MARCHF8: variants seen among roughly 807,000 people sequenced by gnomAD.
MARCHF8 encodes E3 ubiquitin-protein ligase MARCHF8.
A neutral mutation model predicts 51.6 loss-of-function variants in MARCHF8; 40 were observed. The observed-to-expected ratio is 0.77, with a 90% confidence interval of 0.60 to 1.01. The LOEUF is 1.01. Among genes scored for constraint, MARCHF8 ranks in the 50% least tolerant of loss-of-function variants. MARCHF8 has a pLI of 0.00. For missense variants in MARCHF8, 685 were observed against 708.6 expected (o/e 0.97, Z 0.38); for synonymous variants, 263 against 280.3 (o/e 0.94, Z 0.62).
intron 1 of MARCHF8, among the ~76,000 whole-genome samples, chr10:45,569,027 T>C (rs564087919): frequency 4.6e-5 from 6 of 131,868 alleles, no homozygotes; most frequent in African/African-American, 1.8e-4. Context: ...ATGGCGCCAC[T>C]GCACTCCAGC....
chr10:45,544,894 A>G lies in MARCHF8; in HGVS notation c.-78-11605T>C, dbSNP rs542606229. Among the ~76,000 whole-genome samples the G allele has an allele frequency of 2.0e-5, 3 of 152,280 alleles. No individual in the cohort carries two copies. In the South Asian group the frequency reaches 6.2e-4, roughly 32 times the overall value. ...CAGCTTACAAGGCCCTATGTTATCT[A>G]TCCCACCTCATTTTGTACTACCCCT... On this transcript the variant is annotated intron_variant, in intron 1 of 6. Transcript: ENST00000319836.
upstream of MARCHF8, among the ~76,000 whole-genome samples, chr10:45,536,932 T>C (rs1375874008): frequency 2.0e-5 from 3 of 151,304 alleles, no homozygotes; most frequent in African/African-American, 4.8e-5. Context: ...TTAGCCATCA[T>C]GGAAATACAA....
rs1170638565 is a variant in MARCHF8, at chr10:45,463,396, C to A, written c.843G>T (p.Glu281Asp). Residue 281 changes from glutamate to aspartate, a missense_variant, in exon 5 of 8, where the codon GAG becomes GAT. Transcript: ENST00000453424. ...CAGTGTGCAGGCGAGCAGCGCAGCT[C>A]TCCAGCTCATGGAACCTGTGCAGGC... Reference protein sequence around the residue: ...ASSLHRFHELESCAARLHTAK... With the variant: ...ASSLHRFHELDSCAARLHTAK... 1 of 1,550,698 alleles carries A rather than the reference C, an allele frequency of 6.4e-7. No homozygotes were observed. Among genetic ancestry groups the A allele is most frequent in the Non-Finnish European group, 8.7e-7 (1 of 1,147,010 alleles).
At chr10:45,501,494 TAACTC>T (rs2043279039) in intron 2 of MARCHF8, among the ~76,000 whole-genome samples, 1 of 152,118 alleles carries the variant, frequency 6.6e-6, no homozygotes, top group African/African-American at 2.4e-5. Flanking sequence ...ATACAAAAAT[TAACTC>T]AAAATAGTTC....
At chr10:45,570,342 A>G (rs2044415345) in intron 1 of MARCHF8, among the ~76,000 whole-genome samples, 1 of 152,216 alleles carries the variant, frequency 6.6e-6, no homozygotes, top group African/African-American at 2.4e-5. Context: ...TCCCAGGAAT[A>G]TAAAATTTGG....
intron 1 of MARCHF8, among the ~76,000 whole-genome samples, chr10:45,591,560 CAGG>C (rs1292107782): frequency 6.6e-6 from 1 of 152,002 alleles, no homozygotes; most frequent in Admixed American, 6.5e-5. Flanking sequence ...AAGAAGTACA[CAGG>C]AGGTCTCAAT....
chr10:45,480,997 A>G (rs2042875267), intron 3 of MARCHF8, among the ~76,000 whole-genome samples: 1 of 152,262 alleles, frequency 6.6e-6, no homozygotes, highest in Non-Finnish European at 1.5e-5. Context: ...TATACCCTGC[A>G]AAGCTACAGG....
At chr10:45,462,177 G>A (rs1842809416) in intron 5 of MARCHF8, 1 of 152,290 alleles carries the variant, frequency 6.6e-6, no homozygotes, top group Non-Finnish European at 1.5e-5. Context: ...GGCTGTTTTA[G>A]TGAGGGGATC....
intron 1 of MARCHF8, among the ~76,000 whole-genome samples, chr10:45,583,424 G>A (rs1302401019): frequency 2.0e-5 from 3 of 152,062 alleles, no homozygotes; most frequent in Non-Finnish European, 4.4e-5. Context: ...AATGATCACT[G>A]TGACACCATT....
rs571566279 is a variant in MARCHF8 at position 45,481,277 on chromosome 10, T to C, written c.153+8090A>G. Among the ~76,000 whole-genome samples the C allele has an allele frequency of 2.0e-5, 3 of 152,332 alleles. No homozygotes were observed. In the South Asian group the frequency reaches 6.2e-4, roughly 32 times the overall value. On this transcript the variant is annotated intron_variant, in intron 3 of 7. Transcript: ENST00000453424. ...GGCTCACAGGTGGAAGGGAGTTGCC[T>C]TGTCTGAGATGAGACTTTGGACTGT...
At chr10:45,526,389 G>A (rs575595371) in intron 2 of MARCHF8, among the ~76,000 whole-genome samples, 9 of 152,170 alleles carry the variant, frequency 5.9e-5, no homozygotes, top group African/African-American at 1.2e-4. Flanking sequence ...CTTTTGCAAC[G>A]CTAGCTGTGG....
At chr10:45,560,913 C>T (rs1589178400) in intron 1 of MARCHF8, among the ~76,000 whole-genome samples, 1 of 151,982 alleles carries the variant, frequency 6.6e-6, no homozygotes, top group Non-Finnish European at 1.5e-5. Context: ...AAAAAAGCCT[C>T]GTATAAGATA....
chr10:45,455,621 C>T lies in MARCHF8; in HGVS notation c.*2618G>A, dbSNP rs1423539728. On this transcript the variant is annotated 3_prime_UTR_variant, in exon 8 of 8. Transcript: ENST00000453424. ...AGCAAGTTTTCCAAGGCTACAGGAACATTGGCAGAGCTGGTGGCCACACCA... is the reference window on the plus strand; with the variant it reads ...AGCAAGTTTTCCAAGGCTACAGGAATATTGGCAGAGCTGGTGGCCACACCA... The T allele has an allele frequency of 6.6e-6, 1 of 152,334 alleles. No individual in the cohort carries two copies. The highest frequency in any genetic ancestry group is 1.5e-5 in the Non-Finnish European group (1 of 68,180). 9.4% of individuals were successfully genotyped at this position (152,334 alleles called of 1,614,324 possible).
At chr10:45,480,125 A>C (rs2042858982) in intron 3 of MARCHF8, among the ~76,000 whole-genome samples, 1 of 152,188 alleles carries the variant, frequency 6.6e-6, no homozygotes, top group African/African-American at 2.4e-5. Flanking sequence ...TTTGCCCCTG[A>C]TGTGTGGAAC....
chr10:45,564,741 A>G (rs954199599), intron 1 of MARCHF8, among the ~76,000 whole-genome samples: 11 of 151,078 alleles, frequency 7.3e-5, no homozygotes, highest in African/African-American at 2.7e-4. Context: ...GTAACTAAGA[A>G]TAAACAACAA....
chr10:45,476,029 G>GCCC (rs1445283093), intron 3 of MARCHF8, among the ~76,000 whole-genome samples: 1 of 152,158 alleles, frequency 6.6e-6, no homozygotes, highest in East Asian at 1.9e-4. Flanking sequence ...AAGCTAAAGT[G>GCCC]CCCTGCACAA....
chr10:45,481,992 CA>C (rs1417030384), intron 3 of MARCHF8, among the ~76,000 whole-genome samples: 1 of 152,070 alleles, frequency 6.6e-6, no homozygotes, highest in Non-Finnish European at 1.5e-5. Context: ...AATAAACATA[CA>C]AAAGTTGATA....
chr10:45,498,507 G>A (rs61105741), intron 2 of MARCHF8, among the ~76,000 whole-genome samples: 2,329 of 150,350 alleles, frequency 0.015, 54 homozygotes, highest in African/African-American at 0.054. Context: ...GAGAAGTCTC[G>A]CTCTGTCACC....
intron 1 of MARCHF8, among the ~76,000 whole-genome samples, chr10:45,587,613 C>A (rs1255976501): frequency 6.6e-6 from 1 of 152,060 alleles, no homozygotes; most frequent in Non-Finnish European, 1.5e-5. Context: ...CACAAAGGAC[C>A]TATAATACCC....
Sources: gnomAD v4.1 joint callset for allele counts (sites outside exome capture counted in the v4.1 genomes callset) on GRCh38, gnomAD v4.1.1 for gene constraint, MANE v1.5 for transcripts, NCBI Gene and HGNC (gene_info 2026-07-23, HGNC 2026-07-21) for gene names.